The following MAP3K14 variants were observed in gnomAD, a reference collection of about 807,000 sequenced individuals.
MAP3K14 encodes the protein mitogen-activated protein kinase kinase kinase 14, also known as NF-kappa-beta-inducing kinase.
MAP3K14 carries 16 observed loss-of-function variants against 99.2 expected under a neutral mutation model. That is an observed-to-expected ratio of 0.16 (90% CI 0.11 to 0.24). The LOEUF is 0.24. Ranked by LOEUF, MAP3K14 falls within the 10% of genes least tolerant of loss-of-function variation. MAP3K14 has a pLI of 1.00. For synonymous variants in MAP3K14, 462 were observed against 492.4 expected, an observed-to-expected ratio of 0.94 and a Z score of 0.82; for missense variants, 784 against 1,208.7, an observed-to-expected ratio of 0.65 and a Z score of 5.21.
chr17:45,300,987 T>A (rs2044383908), intron 1 of MAP3K14, among the ~76,000 whole-genome samples: 1 of 148,338 alleles, frequency 6.7e-6, no homozygotes, highest in African/African-American at 2.5e-5. Context: ...GGCAATATAG[T>A]GAGACCCCAT....
chr17:45,273,669 T>C, intron 8 of MAP3K14, 62 bp from the exon 9 acceptor site: 1 of 1,291,620 alleles, frequency 7.7e-7, no homozygotes, highest in Non-Finnish European at 1.1e-6. Flanking sequence ...CAGCCCACCC[T>C]GGCTCGGTTT....
At position 45,263,688 on chromosome 17, in the gene MAP3K14, T is replaced by G. The variant is rs1429835476; in HGVS notation, c.*948A>C. ...GGTGAGTGTCAGTGTGATGCTGAGC[T>G]GTGCTCTGGGGAACCAGCACGCTGG... On this transcript the variant is annotated 3_prime_UTR_variant, in exon 16 of 16. Transcript: ENST00000344686. 2 of 152,722 alleles carry G rather than the reference T, an allele frequency of 1.3e-5. No individual in the cohort carries two copies. Among genetic ancestry groups the G allele is most frequent in the Non-Finnish European group, 2.9e-5 (2 of 68,164 alleles). The allele number at this position is 152,722 out of a possible 1,614,324, so 9.5% of individuals were successfully genotyped here. A position where few individuals can be genotyped will look rare whatever the true frequency, so the allele number is the denominator to read the frequency against.
chr17:45,275,383 A>C (rs1020760495), intron 6 of MAP3K14, among the ~76,000 whole-genome samples: 1 of 151,492 alleles, frequency 6.6e-6, no homozygotes, highest in Non-Finnish European at 1.5e-5. Context: ...CAGGAGAATC[A>C]CTTGAACCTG....
At chr17:45,285,033 C>T (rs2044252997) in intron 5 of MAP3K14, 84 bp from the exon 6 acceptor site, 1 of 1,450,142 alleles carries the variant, frequency 6.9e-7, no homozygotes, top group Non-Finnish European at 9.3e-7. Flanking sequence ...GACTCTCCAG[C>T]TGGTGACCTT....
At chr17:45,307,429 T>C (rs935104546) in intron 1 of MAP3K14, among the ~76,000 whole-genome samples, 3 of 152,162 alleles carry the variant, frequency 2.0e-5, no homozygotes, top group African/African-American at 7.2e-5. Context: ...ATAATTGCCC[T>C]TGACACTAAA....
chr17:45,276,551 GC>G (rs1179303047), intron 6 of MAP3K14, among the ~76,000 whole-genome samples: 1 of 150,660 alleles, frequency 6.6e-6, no homozygotes, highest in Non-Finnish European at 1.5e-5. Flanking sequence ...TCGCTGTGTC[GC>G]CCAGGCTGGA....
chr17:45,309,170 T>C (rs889939891), intron 1 of MAP3K14, among the ~76,000 whole-genome samples: 10 of 152,204 alleles, frequency 6.6e-5, no homozygotes, highest in Non-Finnish European at 1.2e-4. Flanking sequence ...AATGCACTTC[T>C]TTCCCCCAGA....
intron 1 of MAP3K14, among the ~76,000 whole-genome samples, chr17:45,305,390 C>A (rs1019542035): frequency 1.7e-4 from 25 of 147,366 alleles, no homozygotes; most frequent in Non-Finnish European, 3.1e-4. Flanking sequence ...GCCACAGCGC[C>A]CGGCCGTTTT....
intron 2 of MAP3K14, among the ~76,000 whole-genome samples, chr17:45,289,605 C>T (rs1255652626): frequency 1.3e-5 from 2 of 152,220 alleles, no homozygotes; most frequent in East Asian, 1.9e-4. Flanking sequence ...GTGAGATGAT[C>T]TACAGAAAAT....
intron 2 of MAP3K14, 26 bp from the exon 3 acceptor site, chr17:45,289,331 A>C: frequency 1.3e-6 from 2 of 1,595,818 alleles, no homozygotes; most frequent in Non-Finnish European, 1.7e-6. Context: ...TTGGATTAGC[A>C]GAGAGGAGAA....
chr17:45,287,159 C>T lies in MAP3K14; in HGVS notation c.532G>A (p.Val178Met), dbSNP rs2044273807. ...TPEQESCTIP[V>M]QEDESPLGAP... ...CAGTGGGTGGAGGGTCTCACCTGCA[C>T]TGGGATGGTGCAGCTCTCCTGCTCA... Residue 178 changes from valine to methionine, a missense_variant, in exon 4 of 16, where the codon GTG (valine) becomes ATG (methionine). Around this residue, in one of 5 missense-constraint regions of MAP3K14, gnomAD observed 188 missense variants for 313.0 expected, o/e 0.60. Transcript: ENST00000344686. 1.9e-6 allele frequency: 3 copies of T among 1,613,406 alleles called. No homozygotes were observed. The highest frequency in any genetic ancestry group is 2.2e-5 in the East Asian group (1 of 44,876).
chr17:45,280,700 C>T (rs1215409355), intron 6 of MAP3K14, among the ~76,000 whole-genome samples: 2 of 151,848 alleles, frequency 1.3e-5, no homozygotes, highest in Non-Finnish European at 2.9e-5. Flanking sequence ...ACCTCTGCCT[C>T]CCAGGTTCAA....
intron 6 of MAP3K14, among the ~76,000 whole-genome samples, chr17:45,279,116 C>G (rs2044200412): frequency 6.6e-6 from 1 of 152,188 alleles, no homozygotes; most frequent in Admixed American, 6.6e-5. Context: ...CCTTGAACTT[C>G]CCTCTTGTTT....
chr17:45,274,757 G>A (rs1241581627), intron 6 of MAP3K14, among the ~76,000 whole-genome samples, 164 bp from the exon 7 acceptor site: 3 of 152,228 alleles, frequency 2.0e-5, no homozygotes, highest in Non-Finnish European at 4.4e-5. Flanking sequence ...GCTAAATTGT[G>A]TATCCCGTGC....
At position 45,264,278 on chromosome 17, in the gene MAP3K14, G is replaced by A. The variant is rs538241406; in HGVS notation, c.*358C>T. ...GGCTCGCCCACCCCTTCTGACCCAG[G>A]CTGGAAGCTGCTCTCCCCTGTCTGC... On this transcript the variant is annotated 3_prime_UTR_variant, in exon 16 of 16. Coordinates refer to ENST00000344686, the MANE Select transcript of MAP3K14 (RefSeq NM_003954.5). 18 of 198,082 alleles carry A rather than the reference G, an allele frequency of 9.1e-5. 1 individual carries two copies. In the South Asian group the frequency reaches 1.8e-3, roughly 19 times the overall value. The allele number at this position is 198,082 out of a possible 1,614,324, so 12.3% of individuals were successfully genotyped here.
chr17:45,299,827 C>T (rs970467369), intron 1 of MAP3K14, among the ~76,000 whole-genome samples: 2 of 151,902 alleles, frequency 1.3e-5, no homozygotes, highest in Non-Finnish European at 2.9e-5. Flanking sequence ...TGGTGGCTCA[C>T]GCCTGTAATC....
Position 45,282,894 on chromosome 17 carries a change from C to A in MAP3K14, c.1290+1918G>T, listed in dbSNP as rs145867204. Among the ~76,000 whole-genome samples, 12 of 152,318 alleles carry A rather than the reference C, an allele frequency of 7.9e-5. 1 individual carries two copies. The East Asian group carries it at 2.3e-3, about 29-fold the overall frequency. ...GGAAAGCAGGGGCTGTCTGCCCAACCAATGGCAGCTGTGCAGGCTGCCAAA... is the reference window on the plus strand; with the variant it reads ...GGAAAGCAGGGGCTGTCTGCCCAACAAATGGCAGCTGTGCAGGCTGCCAAA... On this transcript the variant is annotated intron_variant, in intron 6 of 15. Coordinates refer to ENST00000344686, the MANE Select transcript of MAP3K14 (RefSeq NM_003954.5).
chr17:45,284,707 C>G, intron 6 of MAP3K14, 105 bp downstream of exon 6: 1 of 1,411,628 alleles, frequency 7.1e-7, no homozygotes. Flanking sequence ...GTTCACAAGT[C>G]AGACCCACGG....
chr17:45,275,351 C>T (rs1351758503), intron 6 of MAP3K14, among the ~76,000 whole-genome samples: 1 of 151,560 alleles, frequency 6.6e-6, no homozygotes, highest in Admixed American at 6.6e-5. Context: ...GGCTGTAATC[C>T]CAGCTACTTG....
Sources: allele counts gnomAD v4.1 joint callset (sites outside exome capture counted in the v4.1 genomes callset), GRCh38; gene constraint gnomAD v4.1.1; regional missense constraint gnomAD v4.1.1; transcripts MANE v1.5; gene names NCBI Gene and HGNC (gene_info 2026-07-23, HGNC 2026-07-21).